Variants in GLIS3 observed in about 807,000 individuals in gnomAD.
The protein encoded by GLIS3 is zinc finger protein GLIS3.
In GLIS3, 53 loss-of-function variants were observed where a neutral mutation model predicts 78.6. The ratio of observed to expected loss-of-function variants is 0.67; its 90% CI spans 0.54 to 0.85. The LOEUF (loss-of-function observed/expected upper bound fraction) is 0.85, where lower values mean the gene tolerates loss of function less well. GLIS3 is among the 40% of genes least tolerant of loss of function. GLIS3 has a pLI of 0.00. For synonymous variants in GLIS3, 684 were observed against 509.9 expected (o/e 1.34, Z -4.60); for missense variants, 1,703 against 1,231.1 (o/e 1.38, Z -5.74).
At chr9:4,300,767 T>G (rs1817035464), upstream of GLIS3, among the ~76,000 whole-genome samples, 1 of 151,840 alleles carries the variant, frequency 6.6e-6, no homozygotes, top group Non-Finnish European at 1.5e-5. Context: ...CTCAAAAGGT[T>G]GTTACAAGAA....
intron 4 of GLIS3, among the ~76,000 whole-genome samples, chr9:3,980,434 A>G (rs2130963902): frequency 6.6e-6 from 1 of 152,294 alleles, no homozygotes; most frequent in East Asian, 1.9e-4. Flanking sequence ...CCTGAAATGT[A>G]AGCCAGACAT....
At chr9:4,215,327 ATGTGTGTG>A (rs34915075) in intron 2 of GLIS3, among the ~76,000 whole-genome samples, 300 of 150,354 alleles carry the variant, frequency 2.0e-3, no homozygotes, top group African/African-American at 4.5e-3. Context: ...GTGTGTGCAT[ATGTGTGTG>A]TGTGTGTGTG....
At chr9:4,269,871 T>A (rs918076180) in intron 2 of GLIS3, among the ~76,000 whole-genome samples, 1 of 151,900 alleles carries the variant, frequency 6.6e-6, no homozygotes, top group Non-Finnish European at 1.5e-5. Context: ...CACAACAAGG[T>A]GGGTAGAAAG....
intron 4 of GLIS3, among the ~76,000 whole-genome samples, chr9:3,966,524 G>A (rs938297776): frequency 2.6e-5 from 4 of 151,668 alleles, no homozygotes; most frequent in Non-Finnish European, 4.4e-5. Context: ...GGCCAGGCGC[G>A]GTGACTCACA....
intron 2 of GLIS3, among the ~76,000 whole-genome samples, chr9:4,324,205 G>C (rs1302248942): frequency 6.6e-6 from 1 of 152,106 alleles, no homozygotes; most frequent in Non-Finnish European, 1.5e-5. Flanking sequence ...TTTATGCTGT[G>C]CCCTCTTCTG....
At chr9:3,863,542 C>G (rs1475724518) in intron 8 of GLIS3, among the ~76,000 whole-genome samples, 1 of 152,238 alleles carries the variant, frequency 6.6e-6, no homozygotes, top group Non-Finnish European at 1.5e-5. Context: ...CTATGAGAGG[C>G]TGGGTCAGTA....
chr9:4,197,590 G>C (rs1586949017), intron 2 of GLIS3, among the ~76,000 whole-genome samples: 1 of 152,216 alleles, frequency 6.6e-6, no homozygotes, highest in Non-Finnish European at 1.5e-5. Context: ...TGGTGCTCGT[G>C]CCTGCTGCTG....
chr9:4,078,141 A>G (rs1191226378), intron 4 of GLIS3, among the ~76,000 whole-genome samples: 2 of 152,190 alleles, frequency 1.3e-5, no homozygotes, highest in East Asian at 3.8e-4. Context: ...AAGAATTTGT[A>G]AAAGAAATTT....
the GLIS3 span, among the ~76,000 whole-genome samples, chr9:4,370,374 G>A: frequency 6.6e-5 from 10 of 152,144 alleles, no homozygotes; most frequent in South Asian, 2.1e-3. Context: ...TGAGAGCCAT[G>A]GGGTGTTGCC....
intron 9 of GLIS3, among the ~76,000 whole-genome samples, chr9:3,854,618 GTTCCGC>G (rs1211169766): frequency 1.4e-4 from 21 of 151,500 alleles, no homozygotes; most frequent in Admixed American, 1.4e-3. Context: ...CTCACTGCCA[GTTCCGC>G]CTCCCGGGTT....
chr9:4,025,146 G>T (rs1823223213), intron 4 of GLIS3, among the ~76,000 whole-genome samples: 1 of 152,030 alleles, frequency 6.6e-6, no homozygotes. Flanking sequence ...TCGCTACTCG[G>T]GAGGCTGAGG....
chr9:4,333,917 A>T (rs999409566), intron 2 of GLIS3, among the ~76,000 whole-genome samples: 8 of 152,222 alleles, frequency 5.3e-5, no homozygotes, highest in African/African-American at 1.9e-4. Flanking sequence ...AATTTCTTGG[A>T]TTCCTTAAAT....
the GLIS3 span, among the ~76,000 whole-genome samples, chr9:4,363,111 T>C: frequency 3.3e-5 from 5 of 152,048 alleles, no homozygotes; most frequent in Admixed American, 6.6e-5. Flanking sequence ...AAAATAGAAG[T>C]GATCAAAAAC....
intron 2 of GLIS3, among the ~76,000 whole-genome samples, chr9:4,268,005 A>G (rs1160491214): frequency 6.6e-6 from 1 of 151,732 alleles, no homozygotes; most frequent in African/African-American, 2.4e-5. Flanking sequence ...ATGTGTGTGA[A>G]TATATACATA....
chr9:4,449,136 G>A, the GLIS3 span, among the ~76,000 whole-genome samples: 6 of 152,168 alleles, frequency 3.9e-5, no homozygotes, highest in South Asian at 2.1e-4. Flanking sequence ...CTTTTCCAAC[G>A]GTCTTAGCAA....
chr9:3,980,121 T>G (rs1819132193), intron 4 of GLIS3, among the ~76,000 whole-genome samples: 1 of 152,178 alleles, frequency 6.6e-6, no homozygotes, highest in Non-Finnish European at 1.5e-5. Context: ...TTCTTCCTGT[T>G]GGTTTCAGAA....
intron 5 of GLIS3, among the ~76,000 whole-genome samples, chr9:3,933,224 G>A (rs1264515992): frequency 2.6e-5 from 4 of 152,006 alleles, no homozygotes; most frequent in Non-Finnish European, 5.9e-5. Flanking sequence ...CTCCCAGGCT[G>A]GAGTGCAGTG....
At chr9:4,336,982 G>A (rs1285533102) in intron 2 of GLIS3, among the ~76,000 whole-genome samples, 1 of 152,094 alleles carries the variant, frequency 6.6e-6, no homozygotes, top group Non-Finnish European at 1.5e-5. Context: ...GAATATAAAT[G>A]ACTAATAAAT....
Position 4,271,537 on chromosome 9 carries a change from G to T in GLIS3, c.388+14501C>A, listed in dbSNP as rs181216483. 2.1e-3 allele frequency among the ~76,000 whole-genome samples: 318 copies of T among 152,316 alleles called. 1 individual carries two copies. Among genetic ancestry groups the T allele is most frequent in the Non-Finnish European group, 3.6e-3 (246 of 68,024 alleles). ...GATGTATAAAGAGAAGCACAGAAAA[G>T]ATCATGTTGCCTAGGAAAAAGCAGC... On this transcript the variant is annotated intron_variant, in intron 2 of 10. Transcript: ENST00000381971.
Sources: allele counts gnomAD v4.1 joint callset (sites outside exome capture counted in the v4.1 genomes callset), GRCh38; gene constraint gnomAD v4.1.1; transcripts MANE v1.5; gene names NCBI Gene and HGNC (gene_info 2026-07-23, HGNC 2026-07-21).